ZNF782: variants seen among roughly 807,000 people sequenced by gnomAD.
ZNF782 encodes zinc finger protein 782.
In ZNF782, 12 loss-of-function variants were observed where a neutral mutation model predicts 13.0. That is an observed-to-expected ratio of 0.92 (90% CI 0.59 to 1.50). The LOEUF is 1.50. ZNF782 is among the 40% of genes most tolerant of loss of function. The pLI, the probability that ZNF782 is intolerant of heterozygous loss-of-function variation, is 0.00. For synonymous variants in ZNF782, 284 were observed against 283.0 expected (o/e 1.00, Z -0.04); for missense variants, 770 against 822.9 (o/e 0.94, Z 0.79).
the ZNF782 span, chr9:96,931,828 G>T: frequency 1.2e-6 from 2 of 1,612,168 alleles, no homozygotes; most frequent in Non-Finnish European, 1.7e-6. Flanking sequence ...CACACAGGCC[G>T]CCCCTCGTGA....
At chr9:96,827,236 C>T (rs1249469222) in intron 4 of ZNF782, 55 bp from the exon 5 acceptor site, 4 of 1,321,926 alleles carry the variant, frequency 3.0e-6, no homozygotes, top group Non-Finnish European at 3.2e-6. Context: ...TCTACTGTTT[C>T]TGAATGTGAA....
the ZNF782 span, chr9:96,891,849 T>G: frequency 6.6e-6 from 1 of 152,194 alleles, no homozygotes; most frequent in African/African-American, 2.4e-5. Context: ...CGGCCTCTGT[T>G]AAGATTTTTA....
the ZNF782 span, among the ~76,000 whole-genome samples, chr9:96,914,559 C>CTA: frequency 6.9e-6 from 1 of 144,172 alleles, no homozygotes; most frequent in African/African-American, 2.5e-5. Context: ...TTCTCAGGTG[C>CTA]TATACGCAAC....
At chr9:96,867,300 A>T (rs1851767910) in intron 1 of ZNF782, among the ~76,000 whole-genome samples, 1 of 152,140 alleles carries the variant, frequency 6.6e-6, no homozygotes, top group Non-Finnish European at 1.5e-5. Context: ...ATGAGATCTG[A>T]CAGTATTATA....
intron 5 of ZNF782, among the ~76,000 whole-genome samples, chr9:96,825,617 A>G (rs1298865503): frequency 4.2e-4 from 63 of 151,696 alleles, no homozygotes; most frequent in East Asian, 3.9e-3. Flanking sequence ...GAGTGAACAG[A>G]CAACCTACAA....
intron 1 of ZNF782, among the ~76,000 whole-genome samples, chr9:96,873,079 G>GT (rs59643114): frequency 3.3e-3 from 490 of 146,380 alleles, no homozygotes; most frequent in East Asian, 5.1e-3. Flanking sequence ...ATCACTGTTA[G>GT]TTTTTTTTTT....
chr9:96,927,625 C>T, the ZNF782 span, among the ~76,000 whole-genome samples: 1 of 152,046 alleles, frequency 6.6e-6, no homozygotes, highest in Non-Finnish European at 1.5e-5. Flanking sequence ...GGAAGAGTTA[C>T]CAGATAAAGT....
the ZNF782 span, among the ~76,000 whole-genome samples, chr9:96,901,159 C>T: frequency 4.8e-5 from 7 of 146,334 alleles, no homozygotes; most frequent in South Asian, 2.2e-4. Context: ...GACTCCGTCT[C>T]GGGGTGGAAA....
the ZNF782 span, among the ~76,000 whole-genome samples, chr9:96,908,496 C>A: frequency 2.0e-5 from 3 of 151,566 alleles, no homozygotes; most frequent in South Asian, 6.2e-4. Context: ...AATTTGAGCA[C>A]ACAGAATATT....
At chr9:96,930,724 G>C in the ZNF782 span, among the ~76,000 whole-genome samples, 1 of 149,220 alleles carries the variant, frequency 6.7e-6, no homozygotes, top group Non-Finnish European at 1.5e-5. Context: ...GGACCACTGA[G>C]CACTGAGGAA....
chr9:96,905,767 TGA>T, the ZNF782 span, among the ~76,000 whole-genome samples: 38 of 152,344 alleles, frequency 2.5e-4, no homozygotes, highest in African/African-American at 8.7e-4. Flanking sequence ...TGTATTTTTA[TGA>T]GAGGCAGGGT....
rs543190819 is a variant in ZNF782 at position 96,820,588 on chromosome 9, C to T, written c.245-810G>A. Among the ~76,000 whole-genome samples, 16 of 148,166 alleles carry T rather than the reference C, an allele frequency of 1.1e-4. No homozygotes were observed. In the South Asian group the frequency reaches 2.6e-3, roughly 24 times the overall value. On this transcript the variant is annotated intron_variant, in intron 5 of 5. Transcript: ENST00000481138. ...TTTTTGAGATAGAGTCTTGCTCTGT[C>T]GCCCAGGCTGGAGTATAGTGGCGTG...
chr9:96,868,454 G>A (rs1166390999), intron 1 of ZNF782, among the ~76,000 whole-genome samples: 1 of 152,194 alleles, frequency 6.6e-6, no homozygotes. Context: ...TTGTCTTCAT[G>A]TGGAACTGGA....
At chr9:96,825,194 G>A (rs1036074768) in intron 5 of ZNF782, among the ~76,000 whole-genome samples, 1 of 151,842 alleles carries the variant, frequency 6.6e-6, no homozygotes, top group East Asian at 1.9e-4. Flanking sequence ...CATGGTACTG[G>A]TACCAAAACA....
At position 96,866,993 on chromosome 9, in the gene ZNF782, C is replaced by T. The variant is rs1345644564; in HGVS notation, c.-456-5390G>A. Among the ~76,000 whole-genome samples the T allele has an allele frequency of 2.0e-5, 3 of 152,242 alleles. No homozygotes were observed. In the South Asian group the frequency reaches 6.2e-4, roughly 32 times the overall value. The stretch of plus-strand genomic sequence containing the variant: ...AGTAACTAATTTGCTTTGGATTTTA[C>T]AGGCTGATAGGCAGAAGGGACTTGC... On this transcript the variant is annotated intron_variant, in intron 1 of 5. Transcript: ENST00000498811.
intron 1 of ZNF782, among the ~76,000 whole-genome samples, chr9:96,870,409 A>G (rs1169974403): frequency 5.3e-5 from 8 of 152,172 alleles, no homozygotes; most frequent in Admixed American, 3.9e-4. Context: ...ACCCCTCATC[A>G]AAAAAGACAG....
intron 4 of ZNF782, among the ~76,000 whole-genome samples, chr9:96,838,590 T>C (rs941368806): frequency 3.9e-5 from 6 of 152,216 alleles, no homozygotes; most frequent in African/African-American, 7.2e-5. Flanking sequence ...TCTTAGAGAA[T>C]TGAGCCATTT....
At chr9:96,926,864 T>C in the ZNF782 span, among the ~76,000 whole-genome samples, 3 of 152,258 alleles carry the variant, frequency 2.0e-5, no homozygotes, top group East Asian at 3.9e-4. Flanking sequence ...ATGTTCACAG[T>C]GTGCACTGGT....
At chr9:96,864,877 T>C (rs1310902137) in intron 1 of ZNF782, among the ~76,000 whole-genome samples, 4 of 92,832 alleles carry the variant, frequency 4.3e-5, no homozygotes, top group Admixed American at 1.2e-4. Context: ...CAAAAAGAAC[T>C]AAAAAAAAAA....
Sources: allele counts gnomAD v4.1 joint callset (sites outside exome capture counted in the v4.1 genomes callset), GRCh38; gene constraint gnomAD v4.1.1; transcripts MANE v1.5; gene names NCBI Gene and HGNC (gene_info 2026-07-23, HGNC 2026-07-21).